SLCO1A2: variants seen among roughly 807,000 people sequenced by gnomAD.
SLCO1A2 encodes the protein solute carrier organic anion transporter family member 1A2.
Under a neutral mutation model 69.0 loss-of-function variants are expected in SLCO1A2, and 67 were observed. The observed-to-expected ratio is 0.97, with a 90% CI of 0.80 to 1.19. SLCO1A2 has a LOEUF of 1.19. Ranked by LOEUF, SLCO1A2 falls within the 50% of genes most tolerant of loss-of-function variation. SLCO1A2 has a pLI of 0.00. For synonymous variants in SLCO1A2, 260 were observed against 265.9 expected, an observed-to-expected ratio of 0.98 and a Z score of 0.22; for missense variants, 787 against 793.7, an observed-to-expected ratio of 0.99 and a Z score of 0.10.
At chr12:21,400,779 A>G (rs981556897) in intron 1 of SLCO1A2, among the ~76,000 whole-genome samples, 1 of 150,004 alleles carries the variant, frequency 6.7e-6, no homozygotes, top group African/African-American at 2.5e-5. Context: ...TCGCAAGAAC[A>G]AAAAACCAAA....
At chr12:21,320,327 T>G (rs1951443610) in intron 2 of SLCO1A2, among the ~76,000 whole-genome samples, 2 of 152,298 alleles carry the variant, frequency 1.3e-5, no homozygotes, top group South Asian at 2.1e-4. Flanking sequence ...ACCTGCAAAC[T>G]TACCTCTATC....
chr12:21,379,615 G>A (rs1940459752), intron 1 of SLCO1A2: 1 of 152,162 alleles, frequency 6.6e-6, no homozygotes, highest in South Asian at 2.1e-4. Context: ...TTTGCTTTGA[G>A]TCAGATTCTT....
intron 1 of SLCO1A2, among the ~76,000 whole-genome samples, chr12:21,406,162 GTGTGTGTCTGTGTGTC>G (rs563573968): frequency 5.3e-5 from 8 of 152,242 alleles, no homozygotes; most frequent in Non-Finnish European, 8.8e-5. Context: ...TTTAAAATGT[GTGTGTGTCTGTGTGTC>G]TGTGTGTCTG....
intron 2 of SLCO1A2, among the ~76,000 whole-genome samples, chr12:21,353,988 A>G (rs1938168166): frequency 6.6e-6 from 1 of 152,222 alleles, no homozygotes; most frequent in African/African-American, 2.4e-5. Flanking sequence ...ACTTTCGAAC[A>G]TGAATTTGAA....
At chr12:21,348,150 A>G (rs1460184080) in intron 2 of SLCO1A2, among the ~76,000 whole-genome samples, 1 of 152,206 alleles carries the variant, frequency 6.6e-6, no homozygotes, top group Non-Finnish European at 1.5e-5. Flanking sequence ...TTTATGGGGT[A>G]CATGAGAAGG....
At chr12:21,404,412 G>T (rs2137197473) in intron 1 of SLCO1A2, among the ~76,000 whole-genome samples, 1 of 152,118 alleles carries the variant, frequency 6.6e-6, no homozygotes, top group Non-Finnish European at 1.5e-5. Context: ...ACAGGCTCAA[G>T]TTTGTGTTGG....
chr12:21,413,667 A>T (rs1351642257), intron 1 of SLCO1A2, among the ~76,000 whole-genome samples: 1 of 152,112 alleles, frequency 6.6e-6, no homozygotes, highest in African/African-American at 2.4e-5. Flanking sequence ...CAGACATCAA[A>T]GCTAGAAATG....
At chr12:21,372,116 G>A (rs1939842383) in intron 2 of SLCO1A2, among the ~76,000 whole-genome samples, 1 of 152,206 alleles carries the variant, frequency 6.6e-6, no homozygotes, top group Admixed American at 6.5e-5. Flanking sequence ...AAAGTACTGT[G>A]TGAGCTAAGC....
intron 1 of SLCO1A2, among the ~76,000 whole-genome samples, chr12:21,394,503 C>T (rs1941324757): frequency 6.7e-6 from 1 of 148,878 alleles, no homozygotes. Flanking sequence ...GATCGTACCA[C>T]CACACTCCAG....
At chr12:21,398,396 A>C (rs1009841545), upstream of SLCO1A2, among the ~76,000 whole-genome samples, 1 of 27,160 alleles carries the variant, frequency 3.7e-5, no homozygotes, top group Non-Finnish European at 8.1e-5. Context: ...CTTACCAACA[A>C]AAAAAGAGTC....
intron 2 of SLCO1A2, among the ~76,000 whole-genome samples, chr12:21,351,871 C>T (rs1025998038): frequency 6.6e-5 from 10 of 151,994 alleles, no homozygotes; most frequent in Admixed American, 1.3e-4. Context: ...GGCTTTGTTA[C>T]GTTTCTAAAT....
At chr12:21,358,835 G>T (rs1232326044) in intron 2 of SLCO1A2, among the ~76,000 whole-genome samples, 1 of 152,102 alleles carries the variant, frequency 6.6e-6, no homozygotes, top group Non-Finnish European at 1.5e-5. Flanking sequence ...GCCACAAAGA[G>T]ATTCCTGAAG....
chr12:21,382,221 A>C (rs946843913), intron 1 of SLCO1A2, among the ~76,000 whole-genome samples: 5 of 152,210 alleles, frequency 3.3e-5, no homozygotes, highest in Admixed American at 2.6e-4. Flanking sequence ...GCGAAGTAAC[A>C]ACAAGAGTGG....
intron 2 of SLCO1A2, among the ~76,000 whole-genome samples, chr12:21,330,745 G>A (rs1462167384): frequency 6.6e-6 from 1 of 152,136 alleles, no homozygotes; most frequent in Non-Finnish European, 1.5e-5. Context: ...GTTCTTTAGT[G>A]TTGCATGAGT....
chr12:21,387,631 T>A (rs1940946157), intron 1 of SLCO1A2, among the ~76,000 whole-genome samples: 1 of 152,180 alleles, frequency 6.6e-6, no homozygotes, highest in Non-Finnish European at 1.5e-5. Context: ...CACCTGGATG[T>A]CCAGGCAGAG....
In SLCO1A2 at chr12:21,372,870, G is replaced by T. The variant is rs923538284; in HGVS notation, c.-63+1529C>A. ...GTCAGAGCTGAGAAAGGTGTGAGGG[G>T]TATATAAGAGCTGGATTACTAGTTA... On this transcript the variant is annotated intron_variant, in intron 2 of 15. Transcript: ENST00000307378. The T allele has an allele frequency of 4.8e-4, 88 of 185,044 alleles. 1 individual carries two copies. Among genetic ancestry groups the T allele is most frequent in the Non-Finnish European group, 5.6e-5 (5 of 89,524 alleles). The allele number at this position is 185,044 out of a possible 1,614,324, so 11.5% of individuals were successfully genotyped here. A position where few individuals can be genotyped will look rare whatever the true frequency, so the allele number is the denominator to read the frequency against.
chr12:21,399,043 G>A (rs1398678916), upstream of SLCO1A2, among the ~76,000 whole-genome samples: 2 of 147,700 alleles, frequency 1.4e-5, no homozygotes, highest in Non-Finnish European at 1.5e-5. Flanking sequence ...GGCAGGAGAA[G>A]GAAATAAAGG....
chr12:21,332,861 G>T (rs1952698422), intron 2 of SLCO1A2, among the ~76,000 whole-genome samples: 1 of 152,018 alleles, frequency 6.6e-6, no homozygotes, highest in Non-Finnish European at 1.5e-5. Context: ...ATGGGAATTT[G>T]GATGGGACAC....
At chr12:21,303,063 G>C (rs1291401610) in intron 6 of SLCO1A2, among the ~76,000 whole-genome samples, 1 of 152,002 alleles carries the variant, frequency 6.6e-6, no homozygotes, top group African/African-American at 2.4e-5. Flanking sequence ...TGTTTTCTTG[G>C]TGTAGAGCTA....
Sources: allele counts gnomAD v4.1 joint callset (sites outside exome capture counted in the v4.1 genomes callset), GRCh38; gene constraint gnomAD v4.1.1; transcripts MANE v1.5; gene names NCBI Gene and HGNC (gene_info 2026-07-23, HGNC 2026-07-21).